Variants in SOX6 observed in about 807,000 individuals in gnomAD.
The protein encoded by SOX6 is transcription factor SOX-6.
Under a neutral mutation model 97.8 loss-of-function variants are expected in SOX6, and 11 were observed. The ratio of observed to expected loss-of-function variants is 0.11; its 90% CI spans 0.07 to 0.19. The LOEUF (loss-of-function observed/expected upper bound fraction) is 0.19, where lower values mean the gene tolerates loss of function less well. Among genes scored for constraint, SOX6 ranks in the 10% least tolerant of loss-of-function variants. The pLI is 1.00. For synonymous variants in SOX6, 360 were observed against 371.4 expected, an observed-to-expected ratio of 0.97 and a Z score of 0.35; for missense variants, 810 against 1,039.5, an observed-to-expected ratio of 0.78 and a Z score of 3.04.
chr11:16,382,952 T>A (rs1244608711), intron 1 of SOX6, among the ~76,000 whole-genome samples: 1 of 151,898 alleles, frequency 6.6e-6, no homozygotes, highest in African/African-American at 2.4e-5. Flanking sequence ...AATTAAAACT[T>A]TTTGCTCCCT....
chr11:16,524,343 T>A (rs1028329830), intron 4 of SOX6, among the ~76,000 whole-genome samples: 2 of 151,706 alleles, frequency 1.3e-5, no homozygotes, highest in Non-Finnish European at 2.9e-5. Context: ...TCAATAAATG[T>A]AATCCAGCAT....
chr11:16,302,633 G>C (rs968153194), intron 3 of SOX6, among the ~76,000 whole-genome samples: 1 of 128,390 alleles, frequency 7.8e-6, no homozygotes, highest in South Asian at 2.5e-4. Flanking sequence ...TGCAGTGCAC[G>C]ATCTCAGGTC....
intron 3 of SOX6, among the ~76,000 whole-genome samples, chr11:16,296,864 G>A (rs1307872193): frequency 6.6e-6 from 1 of 151,946 alleles, no homozygotes; most frequent in Non-Finnish European, 1.5e-5. Flanking sequence ...CAAAGATGAA[G>A]CAGAAATATA....
chr11:16,673,986 A>G (rs1358813085), intron 3 of SOX6, among the ~76,000 whole-genome samples: 1 of 151,850 alleles, frequency 6.6e-6, no homozygotes, highest in African/African-American at 2.4e-5. Flanking sequence ...TCAGGAGATC[A>G]AGACCATCCT....
intron 4 of SOX6, among the ~76,000 whole-genome samples, chr11:16,202,863 A>C (rs1851975968): frequency 6.6e-6 from 1 of 152,214 alleles, no homozygotes. Context: ...AAAACCAATG[A>C]ATCTAAACCA....
At chr11:16,529,164 A>C (rs1861206952) in intron 4 of SOX6, among the ~76,000 whole-genome samples, 2 of 152,238 alleles carry the variant, frequency 1.3e-5, no homozygotes, top group South Asian at 4.1e-4. Flanking sequence ...GTTATTGTTG[A>C]TATTATTAAT....
intron 7 of SOX6, among the ~76,000 whole-genome samples, chr11:16,108,992 C>T (rs74613246): frequency 0.026 from 3,970 of 151,934 alleles, 173 homozygotes; most frequent in African/African-American, 0.091. Flanking sequence ...GCACAAATAC[C>T]ATGAAATCAT....
intron 10 of SOX6, among the ~76,000 whole-genome samples, chr11:16,055,055 T>C (rs541626692): frequency 2.0e-5 from 3 of 152,174 alleles, no homozygotes; most frequent in Non-Finnish European, 4.4e-5. Flanking sequence ...TCAAAAGCGT[T>C]ATTAGGCAAT....
At chr11:16,049,474 G>A (rs1437488600) in intron 11 of SOX6, among the ~76,000 whole-genome samples, 3 of 152,118 alleles carry the variant, frequency 2.0e-5, no homozygotes, top group Non-Finnish European at 2.9e-5. Context: ...TTATCTCAGT[G>A]TCAAAGCACT....
intron 1 of SOX6, among the ~76,000 whole-genome samples, chr11:16,438,586 C>G (rs1859434749): frequency 6.6e-6 from 1 of 151,920 alleles, no homozygotes; most frequent in Non-Finnish European, 1.5e-5. Context: ...ATCTTCAAGT[C>G]TTTCTTAGAA....
chr11:16,028,256 G>C (rs1855265214), intron 12 of SOX6, among the ~76,000 whole-genome samples: 1 of 151,530 alleles, frequency 6.6e-6, no homozygotes, highest in South Asian at 2.1e-4. Context: ...TTTCCTTTGT[G>C]GTATCCACAG....
rs575483098 is a variant in SOX6, at chr11:16,434,688, C to G, written c.-5+41627G>C. Among the ~76,000 whole-genome samples the G allele has an allele frequency of 3.9e-5, 6 of 152,196 alleles. No individual in the cohort carries two copies. In the South Asian group the frequency reaches 1.0e-3, roughly 26 times the overall value. On this transcript the variant is annotated intron_variant, in intron 1 of 15. Coordinates refer to the SOX6 transcript ENST00000396356. ...TTTGATTTGTATCCTTAGCCCTTAGCAGAATACGTTGTTCATAAGTAAGTG... is the reference window on the plus strand; with the variant it reads ...TTTGATTTGTATCCTTAGCCCTTAGGAGAATACGTTGTTCATAAGTAAGTG...
chr11:16,660,581 C>T (rs1847758668), intron 3 of SOX6, among the ~76,000 whole-genome samples: 1 of 152,176 alleles, frequency 6.6e-6, no homozygotes, highest in Non-Finnish European at 1.5e-5. Context: ...ATGAAGTATT[C>T]TCTAAATATC....
chr11:16,192,021 C>T (rs1045883538), intron 4 of SOX6, among the ~76,000 whole-genome samples: 2 of 152,018 alleles, frequency 1.3e-5, no homozygotes, highest in Non-Finnish European at 2.9e-5. Flanking sequence ...TTTTATCTCT[C>T]CGATGAGAAA....
At chr11:16,012,093 T>C (rs897827381) in intron 13 of SOX6, among the ~76,000 whole-genome samples, 2 of 152,064 alleles carry the variant, frequency 1.3e-5, no homozygotes, top group Non-Finnish European at 2.9e-5. Context: ...TCAAGAAATG[T>C]TGGCTGGTTG....
At chr11:16,209,943 T>C (rs956742289) in intron 4 of SOX6, among the ~76,000 whole-genome samples, 1 of 152,134 alleles carries the variant, frequency 6.6e-6, no homozygotes, top group African/African-American at 2.4e-5. Context: ...AAAAATAAGA[T>C]TTATAGTATC....
chr11:16,568,217 T>G (rs570769961), intron 4 of SOX6, among the ~76,000 whole-genome samples: 3 of 152,040 alleles, frequency 2.0e-5, no homozygotes, highest in Middle Eastern at 6.8e-3. Context: ...TAAAAAAAAA[T>G]CCAAAATTCA....
At chr11:16,295,291 T>C (rs1423816037) in intron 3 of SOX6, among the ~76,000 whole-genome samples, 1 of 152,108 alleles carries the variant, frequency 6.6e-6, no homozygotes, top group Non-Finnish European at 1.5e-5. Flanking sequence ...ACCATTTTCA[T>C]TATTTTTGAC....
chr11:16,411,566 T>G (rs544086885), intron 1 of SOX6, among the ~76,000 whole-genome samples: 1 of 152,238 alleles, frequency 6.6e-6, no homozygotes, highest in South Asian at 2.1e-4. Flanking sequence ...TTAAGTACAT[T>G]TACTACAAAA....
Sources: allele counts gnomAD v4.1 joint callset (sites outside exome capture counted in the v4.1 genomes callset), GRCh38; gene constraint gnomAD v4.1.1; transcripts MANE v1.5; gene names NCBI Gene and HGNC (gene_info 2026-07-23, HGNC 2026-07-21).